The following ZFAT variants were observed in gnomAD, a reference collection of about 807,000 sequenced individuals.
ZFAT encodes zinc finger protein ZFAT.
ZFAT carries 64 observed loss-of-function variants against 117.7 expected under a neutral mutation model. That is an observed-to-expected ratio of 0.54 (90% CI 0.44 to 0.67). The LOEUF (loss-of-function observed/expected upper bound fraction) is 0.67. Ranked by LOEUF, ZFAT falls within the 30% of genes least tolerant of loss-of-function variation. The pLI is 0.00. For synonymous variants in ZFAT, 679 were observed against 615.0 expected (o/e 1.10, Z -1.54); for missense variants, 1,433 against 1,584.5 (o/e 0.90, Z 1.62).
In ZFAT at chr8:134,705,377, GT is replaced by G. The variant is rs61505145; in HGVS notation, c.19+7467del. Among the ~76,000 whole-genome samples the G allele has an allele frequency of 2.1e-4, 29 of 137,398 alleles. No individual in the cohort carries two copies. The South Asian group carries it at 5.5e-3, about 26-fold the overall frequency. 90.1% of individuals were successfully genotyped at this position (137,398 alleles called of 152,430 possible). ...CACCATGCCCAGCTGGTTTTTTTTTGTTTTTTTTTTTTTGTAGAGCTGGGAT... is the reference window on the plus strand; with the variant it reads ...CACCATGCCCAGCTGGTTTTTTTTTGTTTTTTTTTTTTGTAGAGCTGGGAT... On this transcript the variant is annotated intron_variant, in intron 1 of 15. Transcript: ENST00000377838.
intron 2 of ZFAT, among the ~76,000 whole-genome samples, chr8:134,640,430 A>G (rs868556194): frequency 6.6e-6 from 1 of 152,120 alleles, no homozygotes. Context: ...GACTCAATGG[A>G]GCACAGACAG....
chr8:134,494,447 C>A (rs770146131), intron 15 of ZFAT, among the ~76,000 whole-genome samples: 1 of 152,236 alleles, frequency 6.6e-6, no homozygotes, highest in Non-Finnish European at 1.5e-5. Context: ...GACACTGTCT[C>A]GGTGCCTGCT....
At position 134,667,492 on chromosome 8, in the gene ZFAT, C is replaced by CAA. The variant is rs34820180; in HGVS notation, c.20-9757_20-9756dup. ...TGGGCGACAGAGTGAGACTAAGTCT[C>CAA]AAAAAAAAAAAAAAAAAAAACATAG... is the stretch of plus-strand genomic sequence containing the variant. On this transcript the variant is annotated intron_variant, in intron 1 of 15. Coordinates refer to ENST00000377838, the MANE Select transcript of ZFAT (RefSeq NM_020863.4). Among the ~76,000 whole-genome samples, 14 of 64,198 alleles carry CAA rather than the reference C, an allele frequency of 2.2e-4. 1 individual carries two copies. Among genetic ancestry groups the CAA allele is most frequent in the Non-Finnish European group, 2.7e-4 (9 of 33,542 alleles). The allele number at this position is 64,198 out of a possible 152,430, so 42.1% of individuals were successfully genotyped here.
intron 9 of ZFAT, among the ~76,000 whole-genome samples, 186 bp downstream of exon 9, chr8:134,588,060 T>C (rs1339812554): frequency 6.6e-6 from 1 of 152,224 alleles, no homozygotes; most frequent in Non-Finnish European, 1.5e-5. Flanking sequence ...TTCATTGCAA[T>C]TGCAACTAAT....
At chr8:134,767,611 A>G in the ZFAT span, among the ~76,000 whole-genome samples, 1 of 152,118 alleles carries the variant, frequency 6.6e-6, no homozygotes, top group Admixed American at 6.6e-5. Flanking sequence ...CTGAGGTGGG[A>G]GGACTGCTTG....
chr8:134,729,240 C>T, the ZFAT span, among the ~76,000 whole-genome samples: 2 of 152,224 alleles, frequency 1.3e-5, no homozygotes, highest in Non-Finnish European at 2.9e-5. Context: ...CTCTGTGACC[C>T]TGGGACCCTC....
intron 11 of ZFAT, among the ~76,000 whole-genome samples, chr8:134,559,511 A>G (rs530836771): frequency 1.3e-5 from 2 of 152,342 alleles, no homozygotes; most frequent in East Asian, 1.9e-4. Context: ...CACAGTAAGC[A>G]TTTCATGCAT....
chr8:134,702,291 G>A (rs1157888466), intron 1 of ZFAT, among the ~76,000 whole-genome samples: 2 of 152,210 alleles, frequency 1.3e-5, no homozygotes, highest in Non-Finnish European at 2.9e-5. Context: ...CTATGAACAT[G>A]TGCATACCTG....
chr8:134,639,897 C>T (rs990082988), intron 2 of ZFAT: 1 of 417,258 alleles, frequency 2.4e-6, no homozygotes, highest in African/African-American at 2.1e-5. Flanking sequence ...TCCCCTGAAA[C>T]ACTCTATGAG....
At chr8:134,661,677 G>A (rs6997600) in intron 1 of ZFAT, among the ~76,000 whole-genome samples, 61,906 of 152,102 alleles carry the variant, frequency 0.41, 13,092 homozygotes, top group African/African-American at 0.53. Context: ...CAGAGATGAT[G>A]GCCTGAGACA....
intron 15 of ZFAT, among the ~76,000 whole-genome samples, chr8:134,508,493 A>T (rs1332322806): frequency 6.6e-6 from 1 of 152,190 alleles, no homozygotes; most frequent in African/African-American, 2.4e-5. Flanking sequence ...AATTTCAGAC[A>T]ACTCTAGTAA....
intron 3 of ZFAT, among the ~76,000 whole-genome samples, chr8:134,618,006 G>A (rs558892748): frequency 5.9e-5 from 9 of 152,154 alleles, no homozygotes; most frequent in Non-Finnish European, 2.9e-5. Context: ...GTTCATCAGG[G>A]GTTTCCGCTT....
intron 3 of ZFAT, among the ~76,000 whole-genome samples, chr8:134,619,794 C>A (rs1828988432): frequency 6.6e-6 from 1 of 152,232 alleles, no homozygotes; most frequent in Non-Finnish European, 1.5e-5. Flanking sequence ...TGAGGCAGGA[C>A]TGCTCCCAAG....
chr8:134,690,796 A>G (rs1207176454), intron 1 of ZFAT, among the ~76,000 whole-genome samples: 2 of 152,360 alleles, frequency 1.3e-5, no homozygotes, highest in South Asian at 2.1e-4. Flanking sequence ...TGGGCTGTTC[A>G]GTTTTTATTA....
intron 2 of ZFAT, among the ~76,000 whole-genome samples, chr8:134,648,563 C>T (rs934689673): frequency 6.6e-6 from 1 of 151,836 alleles, no homozygotes; most frequent in Non-Finnish European, 1.5e-5. Flanking sequence ...ACAATCTAGA[C>T]AAAATGGAAA....
At chr8:134,682,253 G>A (rs761890346) in intron 1 of ZFAT, among the ~76,000 whole-genome samples, 2 of 152,154 alleles carry the variant, frequency 1.3e-5, no homozygotes, top group East Asian at 1.9e-4. Context: ...TAGGGAGCAC[G>A]GATATTTTAC....
intron 12 of ZFAT, among the ~76,000 whole-genome samples, chr8:134,522,470 T>C (rs72719726): frequency 0.13 from 19,932 of 152,290 alleles, 1,425 homozygotes; most frequent in Admixed American, 0.23. Context: ...TCTCTTACTT[T>C]CACTATCATT....
chr8:134,601,296 C>T (rs1415672224), intron 6 of ZFAT, among the ~76,000 whole-genome samples, 181 bp downstream of exon 6: 5 of 152,164 alleles, frequency 3.3e-5, no homozygotes, highest in Admixed American at 3.3e-4. Context: ...CCATCCCGGC[C>T]ACCTCCACAA....
intron 1 of ZFAT, among the ~76,000 whole-genome samples, chr8:134,681,372 T>C (rs1299526609): frequency 6.6e-6 from 1 of 152,198 alleles, no homozygotes; most frequent in East Asian, 1.9e-4. Context: ...GCCCACTGCC[T>C]TTCATACCAC....
Sources: allele counts gnomAD v4.1 joint callset (sites outside exome capture counted in the v4.1 genomes callset), GRCh38; gene constraint gnomAD v4.1.1; transcripts MANE v1.5; gene names NCBI Gene and HGNC (gene_info 2026-07-23, HGNC 2026-07-21).